IL1RAPL1: variants seen among roughly 807,000 people sequenced by gnomAD.
IL1RAPL1 encodes the protein interleukin 1 receptor accessory protein like 1.
Under a neutral mutation model 48.4 loss-of-function variants are expected in IL1RAPL1, and 3 were observed. That is an observed-to-expected ratio of 0.06 (90% confidence interval 0.03 to 0.16). The LOEUF is 0.16. Among genes scored for constraint, IL1RAPL1 ranks in the 10% least tolerant of loss-of-function variants. IL1RAPL1 has a pLI of 1.00. For missense variants in IL1RAPL1, 349 were observed against 530.6 expected (o/e 0.66, Z 3.36); for synonymous variants, 185 against 187.7 (o/e 0.99, Z 0.12).
At chrX:29,186,497 A>G (rs1404339636) in intron 2 of IL1RAPL1, among the ~76,000 whole-genome samples, 1 of 111,471 alleles carries the variant, frequency 9.0e-6, no homozygotes, top group Non-Finnish European at 1.9e-5. Context: ...ATTTGCAACA[A>G]TGGCCTAGTA....
At chrX:29,366,661 C>T (rs1282193089) in intron 3 of IL1RAPL1, among the ~76,000 whole-genome samples, 3 of 99,792 alleles carry the variant, frequency 3.0e-5, no homozygotes, top group Admixed American at 1.1e-4. Context: ...CTCTGCCTCC[C>T]GGGTTCATGC....
chrX:29,624,859 T>C (rs1176091261), intron 5 of IL1RAPL1, among the ~76,000 whole-genome samples: 1 of 110,710 alleles, frequency 9.0e-6, no homozygotes, highest in Admixed American at 9.7e-5. Context: ...AAAAATATTA[T>C]TATAATTGAG....
At chrX:28,821,256 G>T (rs1300999798) in intron 2 of IL1RAPL1, among the ~76,000 whole-genome samples, 1 of 111,057 alleles carries the variant, frequency 9.0e-6, no homozygotes, top group East Asian at 2.9e-4. Context: ...GAAGTTTCAT[G>T]ATAGTTCTTC....
intron 2 of IL1RAPL1, among the ~76,000 whole-genome samples, chrX:29,168,555 G>GTATATATATA (rs751368369): frequency 0.088 from 4,604 of 52,379 alleles, 993 homozygotes; most frequent in Non-Finnish European, 0.15. Context: ...GTATTCAATT[G>GTATATATATA]TATATATATA....
intron 5 of IL1RAPL1, among the ~76,000 whole-genome samples, chrX:29,441,588 C>G (rs1934547920): frequency 9.0e-6 from 1 of 111,573 alleles, no homozygotes; most frequent in Admixed American, 9.5e-5. Context: ...ATAGCTCTTT[C>G]CTATACTGCA....
At chrX:29,379,111 G>T (rs1041314648) in intron 3 of IL1RAPL1, among the ~76,000 whole-genome samples, 1 of 112,409 alleles carries the variant, frequency 8.9e-6, no homozygotes, top group Non-Finnish European at 1.9e-5. Context: ...GGACTGGCTC[G>T]CAGCTCTATC....
At chrX:29,852,263 G>T (rs981847310) in intron 6 of IL1RAPL1, among the ~76,000 whole-genome samples, 4 of 112,199 alleles carry the variant, frequency 3.6e-5, no homozygotes, top group African/African-American at 9.7e-5. Context: ...CCCTCTTAAT[G>T]AATAAGCTCA....
At chrX:29,734,457 A>ACG (rs1927997872) in intron 6 of IL1RAPL1, among the ~76,000 whole-genome samples, 1 of 111,993 alleles carries the variant, frequency 8.9e-6, no homozygotes, top group South Asian at 3.7e-4. Flanking sequence ...CCAGGACAGG[A>ACG]CGCGGTACAG....
chrX:28,699,833 G>A (rs1390733238), intron 1 of IL1RAPL1, among the ~76,000 whole-genome samples: 2 of 111,697 alleles, frequency 1.8e-5, no homozygotes, highest in Non-Finnish European at 3.8e-5. Context: ...ACAACGAAAG[G>A]CCTTCACTGC....
At chrX:29,136,664 A>G (rs758692678) in intron 2 of IL1RAPL1, among the ~76,000 whole-genome samples, 1 of 111,205 alleles carries the variant, frequency 9.0e-6, no homozygotes, top group South Asian at 3.8e-4. Context: ...ACCCAGCCTC[A>G]CTGTGTGATC....
At chrX:29,395,031 G>A (rs769339975) in intron 3 of IL1RAPL1, among the ~76,000 whole-genome samples, 7 of 112,087 alleles carry the variant, frequency 6.2e-5, no homozygotes, top group African/African-American at 1.9e-4. Flanking sequence ...GCTGAATAAG[G>A]AGGAGGACTT....
intron 2 of IL1RAPL1, among the ~76,000 whole-genome samples, chrX:29,268,166 T>A (rs1221293005): frequency 9.0e-6 from 1 of 111,602 alleles, no homozygotes; most frequent in Non-Finnish European, 1.9e-5. Flanking sequence ...GTGAATGATA[T>A]TTTTCCGGGC....
chrX:28,690,868 C>G (rs181737720), intron 1 of IL1RAPL1, among the ~76,000 whole-genome samples: 95 of 111,614 alleles, frequency 8.5e-4, no homozygotes, highest in Admixed American at 3.9e-3. Flanking sequence ...ATTATGTAAC[C>G]TGTGATACCC....
At chrX:29,822,047 G>A (rs1049833144) in intron 6 of IL1RAPL1, among the ~76,000 whole-genome samples, 28 of 111,866 alleles carry the variant, frequency 2.5e-4, no homozygotes, top group African/African-American at 8.4e-4. Flanking sequence ...CATTCATATG[G>A]AAGCCAGAAA....
At chrX:29,883,951 A>C (rs767807017) in intron 6 of IL1RAPL1, among the ~76,000 whole-genome samples, 1 of 112,162 alleles carries the variant, frequency 8.9e-6, no homozygotes, top group South Asian at 3.7e-4. Context: ...TCTTTATTTA[A>C]ATAAACAAGA....
At chrX:28,764,577 T>A (rs182152771) in intron 1 of IL1RAPL1, among the ~76,000 whole-genome samples, 1,530 of 111,297 alleles carry the variant, frequency 0.014, 15 homozygotes, top group South Asian at 0.036. Flanking sequence ...AGATTTTCAA[T>A]TTAACAGACA....
chrX:29,507,473 TGGCTCACTGCACCCTTGACCTCCCG>T (rs1168791455), intron 5 of IL1RAPL1, among the ~76,000 whole-genome samples: 2 of 65,026 alleles, frequency 3.1e-5, no homozygotes, highest in Non-Finnish European at 2.9e-5. Flanking sequence ...GGCTCAATCA[TGGCTCACTGCACCCTTGACCTCCCG>T]GGCTCAGGCA....
intron 6 of IL1RAPL1, among the ~76,000 whole-genome samples, chrX:29,908,807 G>GCAAT (rs1226009826): frequency 3.6e-5 from 4 of 111,824 alleles, no homozygotes; most frequent in Non-Finnish European, 7.5e-5. Flanking sequence ...GGTTAAGTAT[G>GCAAT]CAATCAGGTT....
intron 2 of IL1RAPL1, among the ~76,000 whole-genome samples, chrX:28,940,438 T>TTCCTG (rs1924137015): frequency 9.0e-6 from 1 of 111,507 alleles, no homozygotes; most frequent in Non-Finnish European, 1.9e-5. Context: ...AAGTGTTTTT[T>TTCCTG]TCCTGTTTTT....
Sources: gnomAD v4.1 joint callset for allele counts (sites outside exome capture counted in the v4.1 genomes callset) on GRCh38, gnomAD v4.1.1 for gene constraint, MANE v1.5 for transcripts, NCBI Gene and HGNC (gene_info 2026-07-23, HGNC 2026-07-21) for gene names.